Variants in EFCAB5 observed in about 807,000 individuals in gnomAD.
The protein encoded by EFCAB5 is EF-hand calcium-binding domain-containing protein 5.
In EFCAB5, 131 loss-of-function variants were observed where a neutral mutation model predicts 167.9. The observed-to-expected ratio is 0.78, with a 90% confidence interval of 0.68 to 0.90. The LOEUF (loss-of-function observed/expected upper bound fraction) is 0.90, where lower values mean the gene tolerates loss of function less well. Among genes scored for constraint, EFCAB5 ranks in the 40% least tolerant of loss-of-function variants. The probability of loss-of-function intolerance (pLI) is 0.00; values close to 1 mark genes in which losing one functional copy is unlikely to be tolerated. For synonymous variants in EFCAB5, 574 were observed against 602.8 expected (o/e 0.95, Z 0.70); for missense variants, 1,663 against 1,745.2 (o/e 0.95, Z 0.84).
chr17:30,064,889 CA>C (rs2070519579), intron 14 of EFCAB5, among the ~76,000 whole-genome samples: 1 of 151,932 alleles, frequency 6.6e-6, no homozygotes, highest in Non-Finnish European at 1.5e-5. Flanking sequence ...TCTTAAAGGC[CA>C]GAACAGAATG....
chr17:30,069,088 G>A, intron 14 of EFCAB5: 2 of 1,447,646 alleles, frequency 1.4e-6, no homozygotes, highest in South Asian at 1.1e-5. Flanking sequence ...AGAACAAAGA[G>A]CCATCCGAGT....
At chr17:29,993,031 A>C in intron 4 of EFCAB5, 134 bp from the exon 5 acceptor site, 250 of 774,672 alleles carry the variant, frequency 3.2e-4, no homozygotes, top group Non-Finnish European at 4.3e-4. Flanking sequence ...AGGGCTCACT[A>C]CAGGCCTGAA....
At chr17:29,985,299 C>A (rs182943545) in intron 4 of EFCAB5, among the ~76,000 whole-genome samples, 1 of 152,260 alleles carries the variant, frequency 6.6e-6, no homozygotes, top group African/African-American at 2.4e-5. Context: ...CTGAGATATA[C>A]CCCTAGACAG....
chr17:29,951,877 G>A (rs1217947112), intron 3 of EFCAB5, among the ~76,000 whole-genome samples: 1 of 152,180 alleles, frequency 6.6e-6, no homozygotes, highest in South Asian at 2.1e-4. Flanking sequence ...ATTCTTGCAG[G>A]TGGTGACATA....
At chr17:29,979,348 A>C (rs910148611) in intron 4 of EFCAB5, among the ~76,000 whole-genome samples, 10 of 152,126 alleles carry the variant, frequency 6.6e-5, no homozygotes, top group Non-Finnish European at 2.9e-5. Flanking sequence ...ATTTCAAAAA[A>C]AAAAGGAAAT....
At chr17:30,094,171 T>TG (rs2071251040) in intron 22 of EFCAB5, among the ~76,000 whole-genome samples, 1 of 152,126 alleles carries the variant, frequency 6.6e-6, no homozygotes, top group Admixed American at 6.5e-5. Flanking sequence ...ACTGGTAATG[T>TG]GTCCATACTT....
At chr17:30,003,926 C>T (rs1288937345) in intron 7 of EFCAB5, among the ~76,000 whole-genome samples, 1 of 152,132 alleles carries the variant, frequency 6.6e-6, no homozygotes, top group Non-Finnish European at 1.5e-5. Flanking sequence ...CTCCTTAGTT[C>T]AGCTAAAATC....
upstream of EFCAB5, among the ~76,000 whole-genome samples, chr17:29,937,931 A>G (rs1308077999): frequency 6.6e-6 from 1 of 152,182 alleles, no homozygotes; most frequent in East Asian, 1.9e-4. Flanking sequence ...TTTCCCTAGC[A>G]CAAAGCCATT....
At chr17:29,986,804 C>T (rs1392494814) in intron 4 of EFCAB5, among the ~76,000 whole-genome samples, 1 of 151,816 alleles carries the variant, frequency 6.6e-6, no homozygotes, top group African/African-American at 2.4e-5. Context: ...CCCGCCACCT[C>T]GCCCGGCTAA....
chr17:29,954,283 C>A (rs1378933646), intron 3 of EFCAB5, among the ~76,000 whole-genome samples: 9 of 152,308 alleles, frequency 5.9e-5, no homozygotes, highest in Admixed American at 4.6e-4. Flanking sequence ...ACCTTCATGG[C>A]AGCCTCTCCC....
At chr17:30,055,762 A>G in intron 10 of EFCAB5, 126 bp from the exon 11 acceptor site, 2 of 918,580 alleles carry the variant, frequency 2.2e-6, no homozygotes, top group East Asian at 2.6e-5. Context: ...AACACTGCAT[A>G]TATGGGAAAG....
chr17:29,951,963 G>A (rs766668784), intron 3 of EFCAB5, among the ~76,000 whole-genome samples: 7 of 152,168 alleles, frequency 4.6e-5, no homozygotes, highest in African/African-American at 1.7e-4. Context: ...ATGACCCTGT[G>A]CCAGTCTGTT....
At chr17:30,088,927 G>A (rs1208656578) in intron 19 of EFCAB5, among the ~76,000 whole-genome samples, 1 of 152,086 alleles carries the variant, frequency 6.6e-6, no homozygotes, top group Non-Finnish European at 1.5e-5. Flanking sequence ...CATAGCCCTG[G>A]ATTCTTTTTT....
At chr17:29,988,869 G>A (rs1209767492) in intron 4 of EFCAB5, among the ~76,000 whole-genome samples, 1 of 152,182 alleles carries the variant, frequency 6.6e-6, no homozygotes, top group Non-Finnish European at 1.5e-5. Flanking sequence ...AATAACACCA[G>A]TAGGTGAATG....
chr17:29,982,053 G>A (rs1310445075), intron 4 of EFCAB5, among the ~76,000 whole-genome samples: 1 of 152,198 alleles, frequency 6.6e-6, no homozygotes, highest in African/African-American at 2.4e-5. Context: ...AGTATAAGAA[G>A]TAAGTAGGCA....
At position 30,078,263 on chromosome 17, in the gene EFCAB5, G is replaced by C. The variant is rs1340901632; in HGVS notation, c.2786G>C (p.Arg929Thr). The change falls in exon 15 of 23, where the codon AGA (arginine) becomes ACA (threonine). Residue 929 changes from arginine (R) to threonine (T), a missense_variant. Coordinates refer to ENST00000394835, the MANE Select transcript of EFCAB5 (RefSeq NM_198529.4). ...FPKPHPGHEV[R>T]LSSKQFQNYI... ...AAGCCACACCCTGGTCACGAAGTGA[G>C]ATTGTCTTCAAAACAATTTCAGAAT... The C allele has an allele frequency of 6.2e-7, 1 of 1,613,914 alleles. No individual in the cohort carries two copies. Among genetic ancestry groups the C allele is most frequent in the South Asian group, 1.1e-5 (1 of 91,074 alleles).
intron 17 of EFCAB5, 78 bp from the exon 18 acceptor site, chr17:30,082,813 A>C (rs1424126134): frequency 1.5e-6 from 2 of 1,351,094 alleles, no homozygotes; most frequent in African/African-American, 3.0e-5. Flanking sequence ...TTACTGGTAA[A>C]GGTAATCCAA....
chr17:30,052,226 G>A (rs1176244493), intron 9 of EFCAB5, among the ~76,000 whole-genome samples: 2 of 152,024 alleles, frequency 1.3e-5, no homozygotes, highest in Non-Finnish European at 2.9e-5. Context: ...GTACAATGGC[G>A]CGATCTCAGC....
chr17:29,943,038 C>T (rs1309627667), intron 2 of EFCAB5, among the ~76,000 whole-genome samples: 1 of 79,264 alleles, frequency 1.3e-5, no homozygotes, highest in Non-Finnish European at 2.9e-5. Flanking sequence ...ACTGCATCTC[C>T]AAAATATATA....
Sources: gnomAD v4.1 joint callset for allele counts (sites outside exome capture counted in the v4.1 genomes callset) on GRCh38, gnomAD v4.1.1 for gene constraint, MANE v1.5 for transcripts, NCBI Gene and HGNC (gene_info 2026-07-23, HGNC 2026-07-21) for gene names.